Variants in ANTXR2 observed in about 807,000 individuals in gnomAD.
ANTXR2 encodes anthrax toxin receptor 2.
ANTXR2 carries 44 observed loss-of-function variants against 73.7 expected under a neutral mutation model. The observed-to-expected ratio is 0.60, with a 90% CI of 0.47 to 0.77. The LOEUF is 0.77. ANTXR2 is among the 30% of genes least tolerant of loss of function. The pLI is 0.00. For synonymous variants in ANTXR2, 217 were observed against 205.9 expected, an observed-to-expected ratio of 1.05 and a Z score of -0.46; for missense variants, 604 against 592.5, an observed-to-expected ratio of 1.02 and a Z score of -0.20.
chr4:80,050,147 A>G (rs752392270), intron 7 of ANTXR2, among the ~76,000 whole-genome samples: 16 of 151,780 alleles, frequency 1.1e-4, no homozygotes, highest in African/African-American at 3.1e-4. Context: ...AAGTCCCACC[A>G]CAGGAATTGT....
intron 8 of ANTXR2, 105 bp from the exon 9 acceptor site, chr4:80,033,675 T>C: frequency 1.2e-6 from 1 of 806,180 alleles, no homozygotes; most frequent in Non-Finnish European, 1.9e-6. Flanking sequence ...ATTTTTTTCA[T>C]ACTATTCAGT....
At chr4:79,947,478 G>A (rs1193618443) in intron 16 of ANTXR2, among the ~76,000 whole-genome samples, 1 of 151,926 alleles carries the variant, frequency 6.6e-6, no homozygotes, top group Non-Finnish European at 1.5e-5. Context: ...TTTTTATTTT[G>A]CCCCAGCAGA....
intron 10 of ANTXR2, among the ~76,000 whole-genome samples, chr4:80,028,343 C>G (rs896836872): frequency 6.6e-6 from 1 of 152,128 alleles, no homozygotes; most frequent in Non-Finnish European, 1.5e-5. Flanking sequence ...CCTAGCTACT[C>G]GGCTACATTC....
At chr4:79,977,443 A>G (rs2110011420) in intron 16 of ANTXR2, 178 bp downstream of exon 16, 1 of 1,253,276 alleles carries the variant, frequency 8.0e-7, no homozygotes, top group East Asian at 2.8e-5. Flanking sequence ...TAGTTTGAAG[A>G]TGCATTCTAA....
intron 16 of ANTXR2, among the ~76,000 whole-genome samples, chr4:79,963,978 A>G (rs941647679): frequency 6.6e-5 from 10 of 152,228 alleles, no homozygotes; most frequent in Non-Finnish European, 1.5e-4. Flanking sequence ...AGTTAAAGTC[A>G]ATTCAATTTT....
intron 16 of ANTXR2, among the ~76,000 whole-genome samples, chr4:79,923,678 T>C (rs1283937819): frequency 6.6e-6 from 1 of 152,128 alleles, no homozygotes; most frequent in African/African-American, 2.4e-5. Flanking sequence ...AAAGTGGTCA[T>C]TAACACATGT....
chr4:80,049,722 A>C (rs1733689567), intron 7 of ANTXR2, among the ~76,000 whole-genome samples: 1 of 151,704 alleles, frequency 6.6e-6, no homozygotes, highest in South Asian at 2.1e-4. Context: ...TCAGGGACAG[A>C]ATGCCCAAGT....
chr4:80,071,408 T>C (rs1369396473), intron 2 of ANTXR2, among the ~76,000 whole-genome samples, 175 bp downstream of exon 2: 1 of 152,182 alleles, frequency 6.6e-6, no homozygotes, highest in Non-Finnish European at 1.5e-5. Context: ...CCAGATGAAA[T>C]AAGCCCTCAA....
chr4:79,919,522 C>A (rs779541683), intron 16 of ANTXR2, among the ~76,000 whole-genome samples: 1 of 152,048 alleles, frequency 6.6e-6, no homozygotes, highest in Non-Finnish European at 1.5e-5. Context: ...AATCAGCTAC[C>A]AGCATGGTCA....
chr4:80,003,453 C>T (rs866151820), intron 12 of ANTXR2, among the ~76,000 whole-genome samples: 1 of 150,990 alleles, frequency 6.6e-6, no homozygotes, highest in African/African-American at 2.4e-5. Flanking sequence ...GGAGATATAC[C>T]TAATGCTAAA....
intron 3 of ANTXR2, among the ~76,000 whole-genome samples, chr4:80,060,211 C>T (rs768686553): frequency 1.3e-5 from 2 of 152,130 alleles, no homozygotes; most frequent in Non-Finnish European, 2.9e-5. Context: ...TGGTTCTCCA[C>T]CCTGGCTGTA....
In ANTXR2 at chr4:79,984,810, C is replaced by T. The variant is rs199978911; in HGVS notation, c.1086+9G>A. On this transcript the variant is annotated intron_variant, in intron 13 of 16. Transcript: ENST00000403729. ...AACAGCCATATCAGTTTTTTAGGCA[C>T]TCACTTACCTCTTTTGGTGCAGGGG... The T allele has an allele frequency of 3.1e-6, 5 of 1,605,278 alleles. No homozygotes were observed. In the East Asian group the frequency reaches 8.9e-5, roughly 29 times the overall value.
At chr4:79,922,220 A>T (rs1272618916) in intron 16 of ANTXR2, among the ~76,000 whole-genome samples, 1 of 152,098 alleles carries the variant, frequency 6.6e-6, no homozygotes, top group Non-Finnish European at 1.5e-5. Context: ...GCAAGTCTAA[A>T]CAAGCCTTTC....
At chr4:80,017,525 C>T (rs2110067420) in intron 11 of ANTXR2, among the ~76,000 whole-genome samples, 1 of 66,746 alleles carries the variant, frequency 1.5e-5, no homozygotes, top group Non-Finnish European at 3.3e-5. Flanking sequence ...AGAAAGTCTT[C>T]CTTAAAGCAC....
At position 79,909,709 on chromosome 4, in the gene ANTXR2, C is replaced by T. The variant is rs1248511086; in HGVS notation, c.1429-2242G>A. On this transcript the variant is annotated intron_variant, in intron 16 of 16. Coordinates refer to ENST00000403729, the MANE Select transcript of ANTXR2 (RefSeq NM_058172.6). Reference sequence around the variant, plus strand: ...ATACACCTATATGTTTTAACACACACCCGTTAACAAAAACAAGCAAATGCT... The same window carrying T: ...ATACACCTATATGTTTTAACACACATCCGTTAACAAAAACAAGCAAATGCT... Among the ~76,000 whole-genome samples, 7 of 152,074 alleles carry T rather than the reference C, an allele frequency of 4.6e-5. 1 individual carries two copies. Among genetic ancestry groups the T allele is most frequent in the Admixed American group, 3.9e-4 (6 of 15,266 alleles).
chr4:80,011,414 G>A (rs1731581407), intron 11 of ANTXR2, among the ~76,000 whole-genome samples: 1 of 151,952 alleles, frequency 6.6e-6, no homozygotes, highest in Non-Finnish European at 1.5e-5. Flanking sequence ...TCAATATCAG[G>A]AATTAGGAAA....
chr4:79,925,410 G>A lies in ANTXR2; in HGVS notation c.1429-17943C>T, dbSNP rs576674158. On this transcript the variant is annotated intron_variant, in intron 16 of 16. Coordinates refer to ENST00000403729, the MANE Select transcript of ANTXR2 (RefSeq NM_058172.6). ...AACATATGTTTAAAACAGAGCATAC[G>A]GAAATAAGAAAAAGCAAATTTGAAT... Among the ~76,000 whole-genome samples the A allele has an allele frequency of 1.7e-4, 25 of 151,334 alleles. No homozygotes were observed. The South Asian group carries it at 3.3e-3, about 20-fold the overall frequency.
At chr4:79,989,617 C>T (rs1178847997) in intron 12 of ANTXR2, among the ~76,000 whole-genome samples, 4 of 152,058 alleles carry the variant, frequency 2.6e-5, no homozygotes, top group Non-Finnish European at 4.4e-5. Context: ...AGGGACACCT[C>T]CATAACTCAT....
At chr4:80,061,717 A>G (rs570431290) in intron 3 of ANTXR2, among the ~76,000 whole-genome samples, 1 of 152,320 alleles carries the variant, frequency 6.6e-6, no homozygotes, top group South Asian at 2.1e-4. Flanking sequence ...GAGCTATTGC[A>G]TATGAAGAAT....
Sources: allele counts gnomAD v4.1 joint callset (sites outside exome capture counted in the v4.1 genomes callset), GRCh38; gene constraint gnomAD v4.1.1; transcripts MANE v1.5; gene names NCBI Gene and HGNC (gene_info 2026-07-23, HGNC 2026-07-21).